The following TMEM232 variants were observed in gnomAD, a reference collection of about 807,000 sequenced individuals.
The protein encoded by TMEM232 is transmembrane protein 232.
In TMEM232, 80 loss-of-function variants were observed where a neutral mutation model predicts 78.8. That is an observed-to-expected ratio of 1.01 (90% CI 0.85 to 1.22). TMEM232 has a LOEUF of 1.22. Among genes scored for constraint, TMEM232 ranks in the 50% most tolerant of loss-of-function variants. TMEM232 has a pLI of 0.00. For synonymous variants in TMEM232, 297 were observed against 254.3 expected (o/e 1.17, Z -1.60); for missense variants, 881 against 742.2 (o/e 1.19, Z -2.17).
At chr5:110,578,639 G>C (rs1777831787) in intron 10 of TMEM232, among the ~76,000 whole-genome samples, 1 of 151,758 alleles carries the variant, frequency 6.6e-6, no homozygotes, top group African/African-American at 2.4e-5. Context: ...TCCCATTTGA[G>C]GACTTTTATT....
intron 11 of TMEM232, among the ~76,000 whole-genome samples, chr5:110,536,479 A>G (rs1040627089): frequency 6.6e-6 from 1 of 152,176 alleles, no homozygotes; most frequent in African/African-American, 2.4e-5. Flanking sequence ...GTGTGACACA[A>G]TTGGCAGTGG....
chr5:110,712,508 T>C (rs147196426), intron 1 of TMEM232, among the ~76,000 whole-genome samples: 64 of 152,308 alleles, frequency 4.2e-4, no homozygotes, highest in South Asian at 1.5e-3. Flanking sequence ...TTCAACATCA[T>C]TGATCATCAG....
intron 8 of TMEM232, among the ~76,000 whole-genome samples, chr5:110,609,100 T>G (rs755149744): frequency 3.3e-5 from 5 of 152,082 alleles, no homozygotes; most frequent in African/African-American, 7.2e-5. Context: ...CTCCTCTATA[T>G]CCATTTCCTC....
chr5:110,566,937 A>G (rs1776411306), intron 11 of TMEM232, among the ~76,000 whole-genome samples: 1 of 151,952 alleles, frequency 6.6e-6, no homozygotes, highest in Admixed American at 6.6e-5. Flanking sequence ...ACATGGCTAG[A>G]GAGGCCACAA....
chr5:110,492,391 G>A (rs1039035126), intron 12 of TMEM232, among the ~76,000 whole-genome samples: 2 of 151,782 alleles, frequency 1.3e-5, no homozygotes, highest in Non-Finnish European at 2.9e-5. Context: ...TACCAGGAGT[G>A]TTAGTGTCAT....
intron 13 of TMEM232, among the ~76,000 whole-genome samples, chr5:110,423,717 C>T (rs547042102): frequency 6.6e-6 from 1 of 151,934 alleles, no homozygotes; most frequent in African/African-American, 2.4e-5. Context: ...GTATCTCTGT[C>T]ATTCATAATA....
At chr5:110,406,461 C>A (rs1303220897) in intron 2 of TMEM232, among the ~76,000 whole-genome samples, 5 of 151,854 alleles carry the variant, frequency 3.3e-5, no homozygotes, top group African/African-American at 9.7e-5. Context: ...GAATAAATAT[C>A]CAATTACTGA....
At chr5:110,676,751 ATT>A (rs1342076058) in intron 1 of TMEM232, among the ~76,000 whole-genome samples, 1 of 147,960 alleles carries the variant, frequency 6.8e-6, no homozygotes, top group African/African-American at 2.5e-5. Flanking sequence ...TTATTTATTT[ATT>A]TATTTATTTA....
intron 2 of TMEM232, among the ~76,000 whole-genome samples, chr5:110,655,716 CTA>C (rs1400505937): frequency 6.6e-6 from 1 of 151,524 alleles, no homozygotes; most frequent in East Asian, 1.9e-4. Context: ...CCATGGAATA[CTA>C]TGCAGCCATA....
In TMEM232 at chr5:110,644,344, C is replaced by A. The variant is rs895474734; in HGVS notation, c.126-1973G>T. Reference sequence around the variant, plus strand: ...AAGAGTTTGGAAGTTAAAAAAGCCCCTTCATCCATTTAATTTTTATAATAT... The same window carrying A: ...AAGAGTTTGGAAGTTAAAAAAGCCCATTCATCCATTTAATTTTTATAATAT... On this transcript the variant is annotated intron_variant, in intron 2 of 13. Coordinates refer to ENST00000455884, the MANE Select transcript of TMEM232 (RefSeq NM_001039763.4). Among the ~76,000 whole-genome samples the A allele has an allele frequency of 3.3e-5, 5 of 151,820 alleles. No homozygotes were observed. The East Asian group carries it at 5.8e-4, about 18-fold the overall frequency.
chr5:110,705,656 C>T (rs1361490274), intron 1 of TMEM232, among the ~76,000 whole-genome samples: 1 of 133,476 alleles, frequency 7.5e-6, no homozygotes, highest in African/African-American at 2.7e-5. Flanking sequence ...CCTCTTTTTT[C>T]TGAAAAATTA....
chr5:110,553,485 C>G (rs935233910), intron 11 of TMEM232, among the ~76,000 whole-genome samples: 2 of 151,798 alleles, frequency 1.3e-5, no homozygotes, highest in Non-Finnish European at 2.9e-5. Context: ...CTTTTTGTGA[C>G]TATTGTGAAT....
chr5:110,633,367 T>C (rs889409903), intron 5 of TMEM232, among the ~76,000 whole-genome samples: 6 of 152,022 alleles, frequency 3.9e-5, no homozygotes, highest in African/African-American at 1.4e-4. Flanking sequence ...AACAGAAAAT[T>C]AGCAAACCAC....
intron 11 of TMEM232, among the ~76,000 whole-genome samples, chr5:110,541,216 G>A (rs1392561803): frequency 6.6e-6 from 1 of 152,108 alleles, no homozygotes; most frequent in Non-Finnish European, 1.5e-5. Flanking sequence ...ACTTAGCTTC[G>A]GTGGTTAAGC....
chr5:110,634,072 T>G (rs1785494044), intron 5 of TMEM232, among the ~76,000 whole-genome samples: 1 of 151,982 alleles, frequency 6.6e-6, no homozygotes, highest in Non-Finnish European at 1.5e-5. Context: ...AAACAGACTT[T>G]AAGTCAAAAA....
chr5:110,611,912 T>C (rs1315031995), intron 8 of TMEM232, among the ~76,000 whole-genome samples: 2 of 152,092 alleles, frequency 1.3e-5, no homozygotes, highest in African/African-American at 2.4e-5. Flanking sequence ...CACCGTCAGA[T>C]CCTGAATTGG....
At chr5:110,619,115 G>C (rs1359172463) in intron 7 of TMEM232, among the ~76,000 whole-genome samples, 1 of 152,034 alleles carries the variant, frequency 6.6e-6, no homozygotes, top group Non-Finnish European at 1.5e-5. Flanking sequence ...TATTTAATTG[G>C]TCTACTAAAG....
intron 11 of TMEM232, among the ~76,000 whole-genome samples, chr5:110,562,907 T>C (rs996520094): frequency 6.6e-6 from 1 of 151,996 alleles, no homozygotes; most frequent in East Asian, 1.9e-4. Flanking sequence ...GTAAATCATA[T>C]AGTCTATTAA....
intron 4 of TMEM232, among the ~76,000 whole-genome samples, chr5:110,388,765 C>T (rs1755072523): frequency 6.6e-6 from 1 of 152,196 alleles, no homozygotes; most frequent in Non-Finnish European, 1.5e-5. Flanking sequence ...TACATAGAAC[C>T]CAAGACTCTT....
Sources: gnomAD v4.1 joint callset for allele counts (sites outside exome capture counted in the v4.1 genomes callset) on GRCh38, gnomAD v4.1.1 for gene constraint, MANE v1.5 for transcripts, NCBI Gene and HGNC (gene_info 2026-07-23, HGNC 2026-07-21) for gene names.